Variants in SPATA24 observed in about 807,000 individuals in gnomAD.
The protein encoded by SPATA24 is spermatogenesis associated 24.
In SPATA24, 21 loss-of-function variants were observed where a neutral mutation model predicts 28.9. The observed-to-expected ratio is 0.73, with a 90% confidence interval of 0.52 to 1.05. SPATA24 has a LOEUF of 1.05. SPATA24 is among the 50% of genes least tolerant of loss of function. SPATA24 has a pLI of 0.00. For missense variants in SPATA24, 215 were observed against 242.9 expected (o/e 0.88, Z 0.76); for synonymous variants, 76 against 89.9 (o/e 0.85, Z 0.88).
downstream of SPATA24, chr5:139,393,079 G>A (rs114905678): frequency 4.7e-4 from 716 of 1,527,868 alleles, 4 homozygotes; most frequent in African/African-American, 8.6e-3. Flanking sequence ...CAGTGCTGGC[G>A]GCTCTTGCGT....
intron 4 of SPATA24, among the ~76,000 whole-genome samples, chr5:139,399,512 C>T (rs1276908226): frequency 1.3e-5 from 2 of 152,134 alleles, no homozygotes; most frequent in Admixed American, 1.3e-4. Context: ...ACTGTTGAAC[C>T]TCCTTCCCAG....
downstream of SPATA24, chr5:139,393,889 T>C (rs765028808): frequency 7.8e-5 from 121 of 1,548,270 alleles, no homozygotes; most frequent in Non-Finnish European, 9.9e-5. Flanking sequence ...ATTTGGAGTC[T>C]GCCGTGGCGG....
chr5:139,396,272 T>C, downstream of SPATA24: 1 of 985,438 alleles, frequency 1.0e-6, no homozygotes, highest in Non-Finnish European at 1.2e-6. Flanking sequence ...CAGCCCTGCC[T>C]GTGCAACTTG....
downstream of SPATA24, chr5:139,396,757 A>C (rs769672542): frequency 6.4e-7 from 1 of 1,551,574 alleles, no homozygotes; most frequent in East Asian, 2.4e-5. Flanking sequence ...GAGAAGGCAG[A>C]GGCTGGGGAT....
rs1758717162 is a variant in SPATA24, at chr5:139,396,767, T to A, written c.*33A>T. The A allele has an allele frequency of 6.4e-7, 1 of 1,551,440 alleles. No individual in the cohort carries two copies. Among genetic ancestry groups the A allele is most frequent in the Admixed American group, 2.0e-5 (1 of 50,982 alleles). Reference sequence around the variant, plus strand: ...GAGCAGAGAAGGCAGAGGCTGGGGATTACAGCCAGAGAACAGGAAAGCGGC... The same window carrying A: ...GAGCAGAGAAGGCAGAGGCTGGGGAATACAGCCAGAGAACAGGAAAGCGGC... On this transcript the variant is annotated 3_prime_UTR_variant, in exon 6 of 6. Transcript: ENST00000450845.
At chr5:139,396,513 A>G, downstream of SPATA24, 1 of 1,237,818 alleles carries the variant, frequency 8.1e-7, no homozygotes, top group East Asian at 4.3e-5. Flanking sequence ...CCGGCCCTGT[A>G]GTCAAGTTGG....
At position 139,401,813 on chromosome 5, in the gene SPATA24, G is replaced by A. The variant is rs776789393; in HGVS notation, c.327C>T (p.Val109=). 4.1e-5 allele frequency: 63 copies of A among 1,550,938 alleles called. No homozygotes were observed. The East Asian group carries it at 1.4e-3, about 34-fold the overall frequency. ...KLAFEKALSS[V]KSKVLQESSK... is the part of the protein sequence containing the mutation. ...TGGACTCCTGAAGGACTTTGCTCTT[G>A]ACACTGGAGAGCCTGGGTGGGGAAG... The change falls in exon 4 of 6, where the codon GTC becomes GTT. Residue 109 remains valine (V), a synonymous_variant. Coordinates refer to ENST00000450845, the MANE Select transcript of SPATA24 (RefSeq NM_194296.2).
downstream of SPATA24, chr5:139,395,437 G>T: frequency 4.3e-6 from 1 of 234,652 alleles, no homozygotes; most frequent in Non-Finnish European, 8.2e-6. Context: ...GCCCAGCAGG[G>T]ATCCGCCTGA....
At chr5:139,393,532 G>A, downstream of SPATA24, 1 of 1,551,348 alleles carries the variant, frequency 6.4e-7, no homozygotes, top group African/African-American at 1.4e-5. Context: ...CTCTTGGGGA[G>A]ATGGGCCCCA....
downstream of SPATA24, chr5:139,394,454 T>G: frequency 3.6e-6 from 5 of 1,398,948 alleles, no homozygotes; most frequent in Non-Finnish European, 4.6e-6. Flanking sequence ...CGCAGCTCGA[T>G]CTGACGCTTG....
chr5:139,392,527 C>T, downstream of SPATA24: 2 of 1,343,240 alleles, frequency 1.5e-6, no homozygotes, highest in Non-Finnish European at 1.9e-6. This position sits in a 1 kb window ranked among gnomAD's most constrained non-coding sequence, Gnocchi z 5.8. Context: ...CGAGGCAGCG[C>T]GGGGCTGGGC....
At chr5:139,394,723 A>G (rs1227163866), downstream of SPATA24, 1 of 1,532,026 alleles carries the variant, frequency 6.5e-7, no homozygotes, top group Non-Finnish European at 8.7e-7. Flanking sequence ...GCAGCCGAAC[A>G]GGGGTCCGAC....
At chr5:139,403,582 G>A (rs1038373677) in intron 1 of SPATA24, among the ~76,000 whole-genome samples, 1 of 152,178 alleles carries the variant, frequency 6.6e-6, no homozygotes, top group Non-Finnish European at 1.5e-5. Context: ...TTTGACTCTC[G>A]GGAATGGTGT....
chr5:139,404,031 C>T lies in SPATA24; in HGVS notation c.30G>A (p.Ala10=). ...AAGCGAGACACACAGATCCTGACCC[C>T]GCCTTCGACCACCCGAGGGGCGTCG... MATPLGWSK[A]GSGSVCLALD... Residue 10 remains alanine (A), a synonymous_variant, in exon 1 of 6, where the codon GCG becomes GCA. Coordinates refer to ENST00000450845, the MANE Select transcript of SPATA24 (RefSeq NM_194296.2). 6.4e-7 allele frequency: 1 copy of T among 1,551,934 alleles called. No homozygotes were observed. The highest frequency in any genetic ancestry group is 8.7e-7 in the Non-Finnish European group (1 of 1,147,080).
chr5:139,393,466 T>G, downstream of SPATA24: 1 of 1,551,624 alleles, frequency 6.4e-7, no homozygotes, highest in Non-Finnish European at 8.7e-7. Flanking sequence ...AGTTAACCCA[T>G]TCTGAGCTTC....
chr5:139,402,025 G>C lies in SPATA24; in HGVS notation c.204C>G (p.Ala68=), dbSNP rs201021124. ...KKLVEEKAAH[A]KTKVLLAKEE... is the part of the protein sequence containing the mutation. ...CCTTGGCCAGGAGGACCTTGGTTTT[G>C]GCATGGGCAGCTTTCTCTTCCTGCA... Residue 68 remains alanine, a synonymous_variant, in exon 3 of 6, where the codon GCC becomes GCG. Transcript: ENST00000450845. 782 of 1,551,334 alleles carry C rather than the reference G, an allele frequency of 5.0e-4. No homozygotes were observed. Among genetic ancestry groups the C allele is most frequent in the Non-Finnish European group, 6.3e-4 (723 of 1,146,932 alleles).
chr5:139,395,107 C>A, downstream of SPATA24: 1 of 1,387,320 alleles, frequency 7.2e-7, no homozygotes, highest in South Asian at 1.7e-5. Context: ...CGTGCACTAT[C>A]TCCCTCGCAT....
chr5:139,399,316 C>CA (rs1435847293), intron 4 of SPATA24, among the ~76,000 whole-genome samples: 2,850 of 58,606 alleles, frequency 0.049, 47 homozygotes, highest in Middle Eastern at 0.14. Flanking sequence ...GACTCCATCT[C>CA]AAAAAAAAAA....
chr5:139,399,566 G>C (rs939815285), intron 4 of SPATA24, among the ~76,000 whole-genome samples: 3 of 152,182 alleles, frequency 2.0e-5, no homozygotes, highest in African/African-American at 7.2e-5. Flanking sequence ...GTTCGTTTGG[G>C]AAAAAGAATT....
Sources: allele counts gnomAD v4.1 joint callset (sites outside exome capture counted in the v4.1 genomes callset), GRCh38; gene constraint gnomAD v4.1.1; non-coding constraint Gnocchi (gnomAD v3.1); transcripts MANE v1.5; gene names NCBI Gene and HGNC (gene_info 2026-07-23, HGNC 2026-07-21).